The following TCF4 variants were observed in gnomAD, a reference collection of about 807,000 sequenced individuals.
The protein encoded by TCF4 is SL3-3 enhancer factor 2.
In TCF4, 3 loss-of-function variants were observed where a neutral mutation model predicts 82.1. That is an observed-to-expected ratio of 0.04 (90% CI 0.02 to 0.09). The LOEUF (loss-of-function observed/expected upper bound fraction) is 0.09, where lower values mean the gene tolerates loss of function less well. Ranked by LOEUF, TCF4 falls within the 10% of genes least tolerant of loss-of-function variation. TCF4 has a pLI of 1.00. For missense variants in TCF4, 518 were observed against 852.7 expected (o/e 0.61, Z 4.89); for synonymous variants, 276 against 309.6 (o/e 0.89, Z 1.14).
At chr18:55,480,095 C>T (rs192088378) in intron 3 of TCF4, among the ~76,000 whole-genome samples, 3 of 152,070 alleles carry the variant, frequency 2.0e-5, no homozygotes, top group Admixed American at 2.0e-4. Context: ...TAACCATTAC[C>T]TTTTGAATAC....
At chr18:55,378,566 G>C (rs1274037143) in intron 6 of TCF4, among the ~76,000 whole-genome samples, 1 of 152,140 alleles carries the variant, frequency 6.6e-6, no homozygotes, top group African/African-American at 2.4e-5. Flanking sequence ...ACCTGCCCCA[G>C]GCTAGCCATG....
At chr18:55,284,236 C>T (rs1049822722) in intron 8 of TCF4, 4 of 151,852 alleles carry the variant, frequency 2.6e-5, no homozygotes, top group Non-Finnish European at 4.4e-5. Context: ...CATGGTGAAA[C>T]CCCATCTCCA....
At chr18:55,285,221 C>T (rs896107652) in intron 8 of TCF4, among the ~76,000 whole-genome samples, 5 of 152,202 alleles carry the variant, frequency 3.3e-5, no homozygotes, top group Non-Finnish European at 5.9e-5. Context: ...TACTAGAAAT[C>T]ACCCAGCTCT....
chr18:55,396,611 G>A (rs1403634351), intron 6 of TCF4, among the ~76,000 whole-genome samples: 1 of 152,140 alleles, frequency 6.6e-6, no homozygotes, highest in Non-Finnish European at 1.5e-5. Flanking sequence ...AACACAGCTA[G>A]GGGCACAGAG....
intron 3 of TCF4, 139 bp downstream of exon 3, chr18:55,585,141 G>A: frequency 1.3e-6 from 1 of 765,276 alleles, no homozygotes; most frequent in South Asian, 1.5e-5. Context: ...TACCACTGAT[G>A]GGTAATGCAA....
At chr18:55,565,160 A>T (rs969178308) in intron 3 of TCF4, among the ~76,000 whole-genome samples, 1 of 152,204 alleles carries the variant, frequency 6.6e-6, no homozygotes, top group Non-Finnish European at 1.5e-5. Context: ...AGTTATAGGT[A>T]ATCTTAGCAC....
intron 3 of TCF4, chr18:55,553,386 C>G (rs971202165): frequency 6.6e-6 from 1 of 152,134 alleles, no homozygotes; most frequent in Non-Finnish European, 1.5e-5. Flanking sequence ...CCCCTCAATA[C>G]CCAAGAGCAT....
intron 5 of TCF4, among the ~76,000 whole-genome samples, chr18:55,413,253 TGTAATATATTAAATGATCATTTCTCTA>T (rs1268372988): frequency 2.8e-4 from 42 of 152,164 alleles, no homozygotes; most frequent in African/African-American, 9.7e-4. Context: ...TATACGTATC[TGTAATATATTAAATGATCATTTCTCTA>T]GCCTTAGCAC....
At chr18:55,429,949 C>T (rs2095134671) in intron 5 of TCF4, among the ~76,000 whole-genome samples, 1 of 151,994 alleles carries the variant, frequency 6.6e-6, no homozygotes, top group Admixed American at 6.6e-5. Context: ...GGTTGCCTGT[C>T]TCCTTGGAGT....
chr18:55,249,593 G>A (rs1401041343), intron 15 of TCF4, among the ~76,000 whole-genome samples: 1 of 152,224 alleles, frequency 6.6e-6, no homozygotes, highest in Admixed American at 6.5e-5. Context: ...CAGACTGGCA[G>A]GGAGCAATCT....
chr18:55,406,944 A>G (rs1448092318), intron 5 of TCF4, among the ~76,000 whole-genome samples: 1 of 152,232 alleles, frequency 6.6e-6, no homozygotes, highest in Non-Finnish European at 1.5e-5. Context: ...CCCATGGCTA[A>G]AACTACTCAA....
intron 3 of TCF4, among the ~76,000 whole-genome samples, chr18:55,568,780 T>C (rs1052237820): frequency 2.0e-5 from 3 of 152,042 alleles, no homozygotes; most frequent in Admixed American, 6.6e-5. Context: ...ACTTAGAAAG[T>C]AGGAGGAAAA....
intron 8 of TCF4, among the ~76,000 whole-genome samples, chr18:55,339,726 G>A (rs2079423408): frequency 6.6e-6 from 1 of 152,138 alleles, no homozygotes; most frequent in African/African-American, 2.4e-5. Flanking sequence ...AATGCAAGAA[G>A]AGTTAACTAA....
chr18:55,438,083 C>T (rs1279374229), intron 5 of TCF4, among the ~76,000 whole-genome samples: 2 of 151,940 alleles, frequency 1.3e-5, no homozygotes, highest in Admixed American at 1.3e-4. Flanking sequence ...TGCCTGTAAT[C>T]CCAGCTACTC....
At chr18:55,554,268 G>A (rs1473132281) in intron 3 of TCF4, among the ~76,000 whole-genome samples, 1 of 151,852 alleles carries the variant, frequency 6.6e-6, no homozygotes, top group Non-Finnish European at 1.5e-5. Context: ...TTAATTTTAG[G>A]GTGGAATAGG....
upstream of TCF4, among the ~76,000 whole-genome samples, chr18:55,590,058 C>G (rs2097681912): frequency 6.6e-6 from 1 of 152,162 alleles, no homozygotes; most frequent in African/African-American, 2.4e-5. Context: ...CGCTCTTATT[C>G]GTGTTGCCGC....
intron 3 of TCF4, among the ~76,000 whole-genome samples, chr18:55,492,974 T>C (rs545496690): frequency 6.6e-6 from 1 of 152,274 alleles, no homozygotes; most frequent in South Asian, 2.1e-4. Flanking sequence ...CAGGCCTCTC[T>C]TGGAGAATGG....
At chr18:55,441,545 C>G (rs1238724320) in intron 5 of TCF4, among the ~76,000 whole-genome samples, 1 of 152,060 alleles carries the variant, frequency 6.6e-6, no homozygotes, top group Non-Finnish European at 1.5e-5. Context: ...TTTTTGTAAC[C>G]TTTAATTATT....
At chr18:55,456,695 A>G (rs1433120683) in intron 5 of TCF4, among the ~76,000 whole-genome samples, 2 of 152,088 alleles carry the variant, frequency 1.3e-5, no homozygotes, top group Non-Finnish European at 2.9e-5. Context: ...TTGACAAAGG[A>G]AAAAAAAGTT....
Sources: gnomAD v4.1 joint callset for allele counts (sites outside exome capture counted in the v4.1 genomes callset) on GRCh38, gnomAD v4.1.1 for gene constraint, MANE v1.5 for transcripts, NCBI Gene and HGNC (gene_info 2026-07-23, HGNC 2026-07-21) for gene names.